MROH1: variants seen among roughly 807,000 people sequenced by gnomAD.
MROH1 encodes maestro heat-like repeat-containing protein family member 1.
Under a neutral mutation model 116.5 loss-of-function variants are expected in MROH1, and 117 were observed. That is an observed-to-expected ratio of 1.00 (90% CI 0.86 to 1.17). The LOEUF is 1.17. MROH1 is among the 50% of genes most tolerant of loss of function. The pLI is 0.00. For missense variants in MROH1, 1,873 were observed against 1,338.5 expected (o/e 1.40, Z -6.23); for synonymous variants, 921 against 583.9 (o/e 1.58, Z -8.32).
In MROH1 at chr8:144,254,987, G is replaced by C; in HGVS notation, c.3594+9G>C. ...CGCTGCTGCCTCTCTCGGTGAGTCG[G>C]GCTCTCGGGGCCACCTTGACACGCT... On this transcript the variant is annotated intron_variant, in intron 34 of 43. Transcript: ENST00000326134. 1 of 745,592 alleles carries C rather than the reference G, an allele frequency of 1.3e-6. No individual in the cohort carries two copies. Among genetic ancestry groups the C allele is most frequent in the South Asian group, 1.4e-5 (1 of 70,338 alleles). The allele number at this position is 745,592 out of a possible 1,614,324, so 46.2% of individuals were successfully genotyped here.
chr8:144,163,916 C>G lies in MROH1; in HGVS notation c.22+68C>G. 5.8e-6 allele frequency: 9 copies of G among 1,556,924 alleles called. No homozygotes were observed. The highest frequency in any genetic ancestry group is 8.0e-6 in the Non-Finnish European group (9 of 1,131,636). ...CTTGCCTCTGGGTGGTCAGGGCAGG[C>G]CAAGGCTCTTACCAGCTCCAATGGT... On this transcript the variant is annotated intron_variant, in intron 3 of 43. Transcript: ENST00000326134. The surrounding 1 kb of genome is among the most constrained non-coding windows in gnomAD (Gnocchi z 4.4).
At chr8:144,198,497 A>C (rs1830424727) in intron 10 of MROH1, among the ~76,000 whole-genome samples, 1 of 152,206 alleles carries the variant, frequency 6.6e-6, no homozygotes, top group South Asian at 2.1e-4. Flanking sequence ...AGCTCACTGT[A>C]GCCTCAACCT....
In MROH1 at chr8:144,166,836, C is replaced by T. The variant is rs1320233622; in HGVS notation, c.23-1459C>T. ...GAGACCTGGTGCTTCCACACGTGAA[C>T]GGCCACAGCCGGAAAAGCAGATGCA... On this transcript the variant is annotated intron_variant, in intron 3 of 43. Transcript: ENST00000326134. 4.6e-5 allele frequency among the ~76,000 whole-genome samples: 7 copies of T among 152,300 alleles called. No individual in the cohort carries two copies. In the South Asian group the frequency reaches 8.3e-4, roughly 18 times the overall value.
At chr8:144,239,794 G>T (rs1316516280) in intron 18 of MROH1, 39 bp downstream of exon 18, 1 of 715,390 alleles carries the variant, frequency 1.4e-6, no homozygotes, top group Non-Finnish European at 2.6e-6. Context: ...AGCCCTGTGG[G>T]GAGGGCAGGT....
chr8:144,188,514 CTGG>C (rs1827779267), intron 7 of MROH1, among the ~76,000 whole-genome samples: 1 of 2 alleles, frequency 0.5, no homozygotes, highest in South Asian at 0.5. Flanking sequence ...GTCGCCCAGG[CTGG>C]AGTGCATGGC....
chr8:144,231,982 G>GT (rs782404793), intron 14 of MROH1, among the ~76,000 whole-genome samples: 5 of 152,016 alleles, frequency 3.3e-5, no homozygotes, highest in Non-Finnish European at 5.9e-5. Context: ...TCAAATCCAG[G>GT]TAACTGGGAT....
intron 24 of MROH1, among the ~76,000 whole-genome samples, chr8:144,242,998 C>T (rs1013645177): frequency 6.6e-6 from 1 of 152,232 alleles, no homozygotes. Flanking sequence ...GGGGCCAAGG[C>T]CCAAAGCCAG....
chr8:144,174,847 G>A, intron 4 of MROH1: 1 of 985,260 alleles, frequency 1.0e-6, no homozygotes, highest in Non-Finnish European at 1.2e-6. Flanking sequence ...TTTTCCAGTT[G>A]CATAACCCAT....
At chr8:144,220,533 G>A in intron 12 of MROH1, 67 bp from the exon 13 acceptor site, 1 of 1,431,092 alleles carries the variant, frequency 7.0e-7, no homozygotes, top group Non-Finnish European at 9.6e-7. Context: ...GGCCCCTGGT[G>A]ATGTGGAATG....
At chr8:144,224,286 T>C (rs1412435749) in intron 14 of MROH1, among the ~76,000 whole-genome samples, 1 of 152,208 alleles carries the variant, frequency 6.6e-6, no homozygotes, top group Non-Finnish European at 1.5e-5. Flanking sequence ...ATTATTATTT[T>C]TGAGACAGGG....
intron 4 of MROH1, among the ~76,000 whole-genome samples, chr8:144,170,404 G>A (rs1454629200): frequency 6.6e-6 from 1 of 152,176 alleles, no homozygotes; most frequent in Non-Finnish European, 1.5e-5. Context: ...CCTGTGGGCT[G>A]TGACCCTTCC....
At chr8:144,181,951 C>T (rs971528265) in intron 7 of MROH1, among the ~76,000 whole-genome samples, 5 of 152,210 alleles carry the variant, frequency 3.3e-5, no homozygotes, top group Non-Finnish European at 7.4e-5. Context: ...AGGGGACCTG[C>T]GGCTCCTCTG....
At position 144,261,103 on chromosome 8, in the gene MROH1, CCT is replaced by C. The variant is rs1844961408; in HGVS notation, c.4672-7_4672-6del. ...GCGGGGCCAGGCGGCACTGACCAGG[CCT>C]CTCCCCAGATGCACCATTTCCCAGA... On this transcript the variant is annotated splice_polypyrimidine_tract_variant and intron_variant, in intron 41 of 43. Coordinates refer to ENST00000326134, the MANE Select transcript of MROH1 (RefSeq NM_032450.3). 1.3e-6 allele frequency: 1 copy of C among 775,296 alleles called. No individual in the cohort carries two copies. Among genetic ancestry groups the C allele is most frequent in the Non-Finnish European group, 2.4e-6 (1 of 417,652 alleles). The allele number at this position is 775,296 out of a possible 1,614,324, so 48.0% of individuals were successfully genotyped here.
At chr8:144,202,316 C>G (rs547168485) in intron 12 of MROH1, among the ~76,000 whole-genome samples, 1 of 146,610 alleles carries the variant, frequency 6.8e-6, no homozygotes, top group Admixed American at 6.8e-5. Context: ...GGCAGCGACC[C>G]GCTCTGTGTG....
At chr8:144,229,991 G>A (rs1490898149) in intron 14 of MROH1, among the ~76,000 whole-genome samples, 7 of 151,952 alleles carry the variant, frequency 4.6e-5, no homozygotes, top group Admixed American at 3.3e-4. Context: ...CTGAGATGGC[G>A]CCACTGCACT....
In MROH1 at chr8:144,258,757, G is replaced by C. The variant is rs1844408445; in HGVS notation, c.3792-20G>C. On this transcript the variant is annotated intron_variant, in intron 35 of 43. Transcript: ENST00000326134. ...TAGGCGTGTGTGCCCTACCAGCTGA[G>C]CACCCTGGCAATCCTGCAGCTCTGC... 1.3e-6 allele frequency: 1 copy of C among 760,526 alleles called. No individual in the cohort carries two copies. Among genetic ancestry groups the C allele is most frequent in the Non-Finnish European group, 2.4e-6 (1 of 411,212 alleles). The allele number at this position is 760,526 out of a possible 1,614,324, so 47.1% of individuals were successfully genotyped here. A position where few individuals can be genotyped will look rare whatever the true frequency, so the allele number is the denominator to read the frequency against.
In MROH1 at chr8:144,259,291, G is replaced by C. The variant is rs993901699; in HGVS notation, c.3981G>C (p.Leu1327=). 1 of 714,946 alleles carries C rather than the reference G, an allele frequency of 1.4e-6. No homozygotes were observed. Among genetic ancestry groups the C allele is most frequent in the Non-Finnish European group, 2.6e-6 (1 of 384,896 alleles). 44.3% of individuals were successfully genotyped at this position (714,946 alleles called of 1,614,324 possible). Residue 1327 remains leucine (L), a synonymous_variant, in exon 37 of 44, where the codon CTG becomes CTC. Coordinates refer to ENST00000326134, the MANE Select transcript of MROH1 (RefSeq NM_032450.3). Reference sequence around the variant, plus strand: ...GACTCCCCCTGGTGCTGAAGACGCTGGCATGCACACACAGCAGTGCGTATG... The same window carrying C: ...GACTCCCCCTGGTGCTGAAGACGCTCGCATGCACACACAGCAGTGCGTATG... ...GPRLPLVLKT[L]ACTHSSAYEN...
rs371112843 is a variant in MROH1, at chr8:144,180,408, G to A, written c.464-17G>A. The A allele has an allele frequency of 5.7e-5, 92 of 1,612,756 alleles. No homozygotes were observed. In the African/African-American group the frequency reaches 8.8e-4, roughly 15 times the overall value. ...GGAAGCCTTGGCGGAGGCCTTTGAC[G>A]GTGTCCTCTCTCACAGCGTTCGGCG... On this transcript the variant is annotated splice_polypyrimidine_tract_variant and intron_variant, in intron 6 of 43. Coordinates refer to ENST00000326134, the MANE Select transcript of MROH1 (RefSeq NM_032450.3). The surrounding 1 kb of genome is among the most constrained non-coding windows in gnomAD (Gnocchi z 7.4).
At chr8:144,164,359 C>T (rs370117780) in intron 3 of MROH1, among the ~76,000 whole-genome samples, 3 of 147,626 alleles carry the variant, frequency 2.0e-5, no homozygotes, top group African/African-American at 7.5e-5. Flanking sequence ...GAGCCGAGAT[C>T]GTGCCACTGC....
Sources: allele counts gnomAD v4.1 joint callset (sites outside exome capture counted in the v4.1 genomes callset), GRCh38; gene constraint gnomAD v4.1.1; non-coding constraint Gnocchi (gnomAD v3.1); transcripts MANE v1.5; gene names NCBI Gene and HGNC (gene_info 2026-07-23, HGNC 2026-07-21).